The following ZIM3 variants were observed in gnomAD, a reference collection of about 807,000 sequenced individuals.
ZIM3 encodes the protein zinc finger imprinted 3, also known as zinc finger protein 657.
In ZIM3, 11 loss-of-function variants were observed where a neutral mutation model predicts 12.9. The ratio of observed to expected loss-of-function variants is 0.85; its 90% confidence interval spans 0.54 to 1.41. The LOEUF is 1.41. Ranked by LOEUF, ZIM3 falls within the 40% of genes most tolerant of loss-of-function variation. The pLI, the probability that ZIM3 is intolerant of heterozygous loss-of-function variation, is 0.00. For missense variants in ZIM3, 604 were observed against 557.2 expected (o/e 1.08, Z -0.85); for synonymous variants, 205 against 198.5 (o/e 1.03, Z -0.28).
chr19:57,142,741 G>GA, intron 1 of ZIM3, 56 bp from the exon 2 acceptor site: 1 of 1,392,982 alleles, frequency 7.2e-7, no homozygotes. Flanking sequence ...GGAAGTTGGG[G>GA]ATCATCCAGC....
chr19:57,137,254 A>G (rs1207428663), intron 3 of ZIM3, among the ~76,000 whole-genome samples: 1 of 151,838 alleles, frequency 6.6e-6, no homozygotes, highest in Non-Finnish European at 1.5e-5. Flanking sequence ...GGAGGCCGAG[A>G]TAGGAGAATT....
intron 1 of ZIM3, among the ~76,000 whole-genome samples, chr19:57,143,920 C>A (rs975426396): frequency 6.6e-5 from 10 of 152,170 alleles, no homozygotes; most frequent in Admixed American, 2.0e-4. Flanking sequence ...AAGTGATCCG[C>A]CGGCCTCAGC....
rs759375931 is a variant in ZIM3, at chr19:57,138,574, T to C, written c.40A>G (p.Thr14Ala). 1.2e-6 allele frequency: 2 copies of C among 1,614,124 alleles called. No individual in the cohort carries two copies. The highest frequency in any genetic ancestry group is 2.2e-5 in the South Asian group (2 of 91,084). The stretch of plus-strand genomic sequence containing the variant: ...CACTCCCCCTGGGTGAAGTTCACAG[T>C]GACATCCTCGAAGGTCACTCTTCCC... ...SQGRVTFEDV[T>A]VNFTQGEWQR... Residue 14 changes from threonine to alanine, a missense_variant, in exon 3 of 5, where the codon ACT becomes GCT. Coordinates refer to ENST00000269834, the MANE Select transcript of ZIM3 (RefSeq NM_052882.1).
Position 57,138,557 on chromosome 19 carries a change from CT to C in ZIM3, c.56del (p.Gln19ArgfsTer7), listed in dbSNP as rs1459972426. 6.2e-7 allele frequency: 1 copy of C among 1,614,052 alleles called. No homozygotes were observed. The highest frequency in any genetic ancestry group is 2.2e-5 in the East Asian group (1 of 44,886). The stretch of plus-strand genomic sequence containing the variant: ...CGGGATTCAGCCGCTGCCACTCCCC[CT>C]GGGTGAAGTTCACAGTGACATCCTC... ...TFEDVTVNFT[Q>X]GEWQRLNPEQ... is the part of the protein sequence containing the mutation. On this transcript the variant is annotated frameshift_variant, in exon 3 of 5. Transcript: ENST00000269834. LOFTEE classifies it high-confidence loss of function.
Position 57,135,221 on chromosome 19 carries a change from A to G in ZIM3, c.1116T>C (p.Phe372=). 1.9e-6 allele frequency: 3 copies of G among 1,613,812 alleles called. No individual in the cohort carries two copies. The highest frequency in any genetic ancestry group is 2.5e-6 in the Non-Finnish European group (3 of 1,179,896). Residue 372 remains phenylalanine, a synonymous_variant, in exon 5 of 5, where the codon TTT becomes TTC. Transcript: ENST00000269834. ...GTTGAATGAGGTTTTTCTTCTGGAT[A>G]AAGGTATTTCCACATAGATCACACT... ...AYECDLCGNT[F]IQKKNLIQHK...
Position 57,138,542 on chromosome 19 carries a change from C to T in ZIM3, c.72G>A (p.Arg24=). 1 of 1,614,156 alleles carries T rather than the reference C, an allele frequency of 6.2e-7. No homozygotes were observed. Among genetic ancestry groups the T allele is most frequent in the East Asian group, 2.2e-5 (1 of 44,874 alleles). The stretch of plus-strand genomic sequence containing the variant: ...ACAAGTTTCTCTGTTCGGGATTCAG[C>T]CGCTGCCACTCCCCCTGGGTGAAGT... ...TVNFTQGEWQ[R]LNPEQRNLYR... is the part of the protein sequence containing the mutation. The change falls in exon 3 of 5, where the codon CGG becomes CGA. Residue 24 remains arginine (R), a synonymous_variant. Transcript: ENST00000269834.
rs1032233304 is a variant in ZIM3 at position 57,138,614 on chromosome 19, C to G, written c.16-16G>C. ...TCACTCTTCCCTGTAACAACAGATT[C>G]CCGATCAGTATAAAAATGCCATTGA... On this transcript the variant is annotated splice_polypyrimidine_tract_variant and intron_variant, in intron 2 of 4. Coordinates refer to ENST00000269834, the MANE Select transcript of ZIM3 (RefSeq NM_052882.1). 2 of 1,613,628 alleles carry G rather than the reference C, an allele frequency of 1.2e-6. No homozygotes were observed. Among genetic ancestry groups the G allele is most frequent in the Non-Finnish European group, 8.5e-7 (1 of 1,179,672 alleles).
intron 2 of ZIM3, among the ~76,000 whole-genome samples, chr19:57,141,769 G>C (rs1599924046): frequency 6.6e-6 from 1 of 151,526 alleles, no homozygotes; most frequent in Non-Finnish European, 1.5e-5. Flanking sequence ...AAGGAGAATC[G>C]CTTGAACCTG....
rs550845064 is a variant in ZIM3, at chr19:57,137,577, G to A, written c.143-606C>T. On this transcript the variant is annotated intron_variant, in intron 3 of 4. Coordinates refer to ENST00000269834, the MANE Select transcript of ZIM3 (RefSeq NM_052882.1). ...AAAATACAAAAATTAGCCAGGCATG[G>A]TGGTGCACGTCTGTAATCCCAGCTA... 1.9e-4 allele frequency among the ~76,000 whole-genome samples: 29 copies of A among 152,084 alleles called. No homozygotes were observed. The South Asian group carries it at 4.2e-3, about 22-fold the overall frequency.
At position 57,139,919 on chromosome 19, in the gene ZIM3, AC is replaced by A. The variant is rs147095108; in HGVS notation, c.16-1322del. 2.6e-3 allele frequency among the ~76,000 whole-genome samples: 389 copies of A among 152,202 alleles called. 2 individuals carry two copies. The highest frequency in any genetic ancestry group is 8.8e-3 in the African/African-American group (367 of 41,518). ...ACAGGGGCCAGCGTCTGGCATGTCT[AC>A]CACACTCCCACTCACACAGGGTCAC... is the stretch of plus-strand genomic sequence containing the variant. On this transcript the variant is annotated intron_variant, in intron 2 of 4. Coordinates refer to ENST00000269834, the MANE Select transcript of ZIM3 (RefSeq NM_052882.1).
intron 1 of ZIM3, among the ~76,000 whole-genome samples, chr19:57,144,009 T>C (rs189983308): frequency 2.6e-5 from 4 of 152,210 alleles, no homozygotes; most frequent in African/African-American, 9.6e-5. Flanking sequence ...CTGTGCAACA[T>C]AGTGAAACCT....
At position 57,137,085 on chromosome 19, in the gene ZIM3, T is replaced by C. The variant is rs574298281; in HGVS notation, c.143-114A>G. On this transcript the variant is annotated intron_variant, in intron 3 of 4. Transcript: ENST00000269834. The stretch of plus-strand genomic sequence containing the variant: ...GCTTGTGTGAATATTTGTGTGTGAG[T>C]GTGAGCATTTATATGTCAGTGTGTG... 1,614 of 985,012 alleles carry C rather than the reference T, an allele frequency of 1.6e-3. 3 individuals carry two copies. The highest frequency in any genetic ancestry group is 2.2e-3 in the Non-Finnish European group (1,371 of 623,270). 61.0% of individuals were successfully genotyped at this position (985,012 alleles called of 1,614,324 possible). A position where few individuals can be genotyped will look rare whatever the true frequency, so the allele number is the denominator to read the frequency against.
intron 4 of ZIM3, among the ~76,000 whole-genome samples, 186 bp from the exon 5 acceptor site, chr19:57,136,281 T>C (rs1050541015): frequency 2.6e-5 from 4 of 152,164 alleles, no homozygotes; most frequent in Non-Finnish European, 5.9e-5. Context: ...CTATCACATA[T>C]CTGTCTGTAA....
intron 1 of ZIM3, 52 bp from the exon 2 acceptor site, chr19:57,142,737 T>C: frequency 7.0e-7 from 1 of 1,426,424 alleles, no homozygotes; most frequent in Non-Finnish European, 9.8e-7. Context: ...CTTTGGAAGT[T>C]GGGGATCATC....
rs377718672 is a variant in ZIM3 at position 57,136,968 on chromosome 19, T to C, written c.146A>G (p.Gln49Arg). The C allele has an allele frequency of 2.3e-5, 37 of 1,614,044 alleles. No individual in the cohort carries two copies. The highest frequency in any genetic ancestry group is 3.1e-5 in the Non-Finnish European group (37 of 1,180,008). The change falls in exon 4 of 5, where the codon CAA becomes CGA. Residue 49 changes from glutamine (Q) to arginine (R), a missense_variant. Coordinates refer to ENST00000269834, the MANE Select transcript of ZIM3 (RefSeq NM_052882.1). ...ENYSNLVSVG[Q>R]GETTKPDVIL... ...CACATCGGGTTTGGTGGTTTCCCCT[T>C]GTCCTGTGATGGAAGATACCGCAAG...
chr19:57,135,377 T>G lies in ZIM3; in HGVS notation c.960A>C (p.Ser320=). 1 of 1,614,000 alleles carries G rather than the reference T, an allele frequency of 6.2e-7. No individual in the cohort carries two copies. Among genetic ancestry groups the G allele is most frequent in the Non-Finnish European group, 8.5e-7 (1 of 1,179,886 alleles). Residue 320 remains serine, a synonymous_variant, in exon 5 of 5, where the codon TCA becomes TCC. Transcript: ENST00000269834. ...TDCGKAFIYK[S]DLVKHQRIHT... The stretch of plus-strand genomic sequence containing the variant: ...GTATTCTCTGGTGTTTCACAAGATC[T>G]GACTTGTAAATGAAAGCCTTTCCAC...
chr19:57,136,269 A>G (rs567330434), intron 4 of ZIM3, among the ~76,000 whole-genome samples, 174 bp from the exon 5 acceptor site: 1 of 152,310 alleles, frequency 6.6e-6, no homozygotes, highest in East Asian at 1.9e-4. Context: ...TGTTACATGA[A>G]GCTATCACAT....
chr19:57,140,092 C>T lies in ZIM3; in HGVS notation c.16-1494G>A, dbSNP rs1383345242. Reference sequence around the variant, plus strand: ...TGAAAATCTCACCTCTAAGAGCCAGCACCTAGTGTCCTCTTGGACAGATAA... The same window carrying T: ...TGAAAATCTCACCTCTAAGAGCCAGTACCTAGTGTCCTCTTGGACAGATAA... On this transcript the variant is annotated intron_variant, in intron 2 of 4. Coordinates refer to ENST00000269834, the MANE Select transcript of ZIM3 (RefSeq NM_052882.1). 2.0e-5 allele frequency among the ~76,000 whole-genome samples: 3 copies of T among 152,330 alleles called. No homozygotes were observed. In the East Asian group the frequency reaches 5.8e-4, roughly 29 times the overall value.
intron 4 of ZIM3, among the ~76,000 whole-genome samples, 196 bp downstream of exon 4, chr19:57,136,677 G>GAA (rs74179416): frequency 2.5e-4 from 35 of 140,868 alleles, no homozygotes; most frequent in Admixed American, 3.7e-4. Context: ...AAAAAAAAAA[G>GAA]AAAAAAAAAA....
Sources: gnomAD v4.1 joint callset for allele counts (sites outside exome capture counted in the v4.1 genomes callset) on GRCh38, gnomAD v4.1.1 for gene constraint, MANE v1.5 for transcripts, NCBI Gene and HGNC (gene_info 2026-07-23, HGNC 2026-07-21) for gene names.